The following RAB10 variants were observed in gnomAD, a reference collection of about 807,000 sequenced individuals.
RAB10 encodes ras-related protein Rab-10.
A neutral mutation model predicts 25.7 loss-of-function variants in RAB10; 5 were observed. That is an observed-to-expected ratio of 0.19 (90% confidence interval 0.10 to 0.41). RAB10 has a LOEUF of 0.41. Ranked by LOEUF, RAB10 falls within the 10% of genes least tolerant of loss-of-function variation. The pLI, the probability that RAB10 is intolerant of heterozygous loss-of-function variation, is 1.00. For missense variants in RAB10, 103 were observed against 245.8 expected, an observed-to-expected ratio of 0.42 and a Z score of 3.89; for synonymous variants, 89 against 86.4, an observed-to-expected ratio of 1.03 and a Z score of -0.16.
chr2:26,043,165 G>GC (rs144484437), intron 1 of RAB10, among the ~76,000 whole-genome samples: 18,162 of 152,172 alleles, frequency 0.12, 1,267 homozygotes, highest in African/African-American at 0.2. Context: ...GGTGGCTTAT[G>GC]CCCGTAAATC....
At chr2:26,040,257 T>A (rs1270569056) in intron 1 of RAB10, among the ~76,000 whole-genome samples, 1 of 152,122 alleles carries the variant, frequency 6.6e-6, no homozygotes, top group Non-Finnish European at 1.5e-5. Flanking sequence ...GCTTAAGCAA[T>A]CCTCCTTCCT....
intron 1 of RAB10, among the ~76,000 whole-genome samples, chr2:26,055,021 A>G (rs983177432): frequency 1.6e-5 from 1 of 61,032 alleles, no homozygotes; most frequent in Non-Finnish European, 3.4e-5. Flanking sequence ...TGAGATGAGC[A>G]TAGTCTTTTT....
chr2:26,110,218 G>A (rs1667541507), intron 3 of RAB10, among the ~76,000 whole-genome samples: 2 of 151,274 alleles, frequency 1.3e-5, no homozygotes, highest in Non-Finnish European at 2.9e-5. Flanking sequence ...TGCACCTGTC[G>A]TCCCAGCTAC....
At chr2:26,050,454 C>T (rs1157520735) in intron 1 of RAB10, among the ~76,000 whole-genome samples, 2 of 151,720 alleles carry the variant, frequency 1.3e-5, no homozygotes, top group East Asian at 1.9e-4. Context: ...AATTACGTAC[C>T]TTGGTAGGTG....
chr2:26,057,054 A>G (rs1249994778), intron 1 of RAB10, among the ~76,000 whole-genome samples: 2 of 152,234 alleles, frequency 1.3e-5, no homozygotes, highest in African/African-American at 4.8e-5. Context: ...TGGCTGGGCC[A>G]ATTGGTGCCA....
chr2:26,100,731 A>G (rs570061245), intron 2 of RAB10, among the ~76,000 whole-genome samples: 1 of 152,308 alleles, frequency 6.6e-6, no homozygotes, highest in Non-Finnish European at 1.5e-5. Context: ...TAGGATGTCA[A>G]ATTTCTCATG....
chr2:26,071,279 C>T (rs1489311630), intron 1 of RAB10, among the ~76,000 whole-genome samples: 1 of 152,182 alleles, frequency 6.6e-6, no homozygotes, highest in African/African-American at 2.4e-5. Context: ...CATCATTTAT[C>T]CTTGAAAGAA....
intron 1 of RAB10, among the ~76,000 whole-genome samples, chr2:26,036,090 C>A (rs1665758616): frequency 1.3e-5 from 2 of 152,188 alleles, no homozygotes; most frequent in South Asian, 4.1e-4. Context: ...AGCGCTAGCA[C>A]TTCCCTAGCA....
Position 26,106,388 on chromosome 2 carries a change from A to T in RAB10, c.189-3380A>T, listed in dbSNP as rs1015053202. Among the ~76,000 whole-genome samples the T allele has an allele frequency of 3.3e-5, 5 of 152,202 alleles. No homozygotes were observed. In the East Asian group the frequency reaches 7.7e-4, roughly 23 times the overall value. On this transcript the variant is annotated intron_variant, in intron 2 of 5. Transcript: ENST00000264710. ...CAGTATGGTAATGGAGGAGGCCTAG[A>T]CACATAGGAGATTGCAACAGAATAA... is the stretch of plus-strand genomic sequence containing the variant.
chr2:26,053,598 C>T (rs1666180417), intron 1 of RAB10, among the ~76,000 whole-genome samples: 1 of 152,140 alleles, frequency 6.6e-6, no homozygotes, highest in Non-Finnish European at 1.5e-5. Context: ...GGTTTGAAAC[C>T]TGGTAAATAT....
At chr2:26,107,022 G>T (rs1269233041) in intron 2 of RAB10, among the ~76,000 whole-genome samples, 1 of 152,098 alleles carries the variant, frequency 6.6e-6, no homozygotes, top group African/African-American at 2.4e-5. Context: ...GAGGCGGGCA[G>T]ATCATCTGAG....
rs749658790 is a variant in RAB10, at chr2:26,034,596, G to A, written c.-13G>A. 1 of 1,612,892 alleles carries A rather than the reference G, an allele frequency of 6.2e-7. No homozygotes were observed. The highest frequency in any genetic ancestry group is 1.1e-5 in the South Asian group (1 of 91,020). ...GGGGCCGCCGGCGGCGAGAGCCCGA[G>A]CCGCTCCTCCCAATGGCGAAGAAGA... On this transcript the variant is annotated 5_prime_UTR_variant, in exon 1 of 6. Transcript: ENST00000264710.
chr2:26,033,368 C>T (rs1281042933), upstream of RAB10, among the ~76,000 whole-genome samples: 1 of 152,220 alleles, frequency 6.6e-6, no homozygotes. Context: ...TTCCTGCGCC[C>T]AGGTGTTCCT....
intron 1 of RAB10, among the ~76,000 whole-genome samples, chr2:26,079,155 C>G (rs1666805603): frequency 6.6e-6 from 1 of 152,126 alleles, no homozygotes; most frequent in Non-Finnish European, 1.5e-5. Flanking sequence ...CCATTACACT[C>G]CAGGCTGGGC....
At chr2:26,083,047 C>G (rs907577971) in intron 1 of RAB10, among the ~76,000 whole-genome samples, 6 of 152,088 alleles carry the variant, frequency 3.9e-5, no homozygotes, top group African/African-American at 1.4e-4. Context: ...CATGATAACT[C>G]AGGAATCTAG....
chr2:26,124,647 T>C (rs1468612343), intron 3 of RAB10, among the ~76,000 whole-genome samples: 2 of 152,074 alleles, frequency 1.3e-5, no homozygotes, highest in Non-Finnish European at 2.9e-5. Flanking sequence ...TATTTTGGTG[T>C]ATAGTTCAGT....
At chr2:26,087,939 G>C (rs1667023237) in intron 1 of RAB10, among the ~76,000 whole-genome samples, 2 of 152,140 alleles carry the variant, frequency 1.3e-5, no homozygotes, top group Non-Finnish European at 2.9e-5. Flanking sequence ...TACCCATATT[G>C]GAAAATGACC....
chr2:26,085,554 C>T (rs969087617), intron 1 of RAB10, among the ~76,000 whole-genome samples: 1 of 151,434 alleles, frequency 6.6e-6, no homozygotes. Context: ...GACCTTCTTC[C>T]AAGTGTATTT....
chr2:26,069,787 C>G (rs1273066193), intron 1 of RAB10, among the ~76,000 whole-genome samples: 1 of 151,800 alleles, frequency 6.6e-6, no homozygotes, highest in East Asian at 1.9e-4. Flanking sequence ...CTCACTGCAG[C>G]CTTCACCTCT....
Sources: allele counts gnomAD v4.1 joint callset (sites outside exome capture counted in the v4.1 genomes callset), GRCh38; gene constraint gnomAD v4.1.1; transcripts MANE v1.5; gene names NCBI Gene and HGNC (gene_info 2026-07-23, HGNC 2026-07-21).